WIPI2: variants seen among roughly 807,000 people sequenced by gnomAD.
The protein encoded by WIPI2 is WD repeat domain phosphoinositide-interacting protein 2.
In WIPI2, 28 loss-of-function variants were observed where a neutral mutation model predicts 52.3. The observed-to-expected ratio is 0.54, with a 90% CI of 0.40 to 0.73. The LOEUF (loss-of-function observed/expected upper bound fraction) is 0.73. Ranked by LOEUF, WIPI2 falls within the 30% of genes least tolerant of loss-of-function variation. The pLI is 0.00. For missense variants in WIPI2, 506 were observed against 602.9 expected, an observed-to-expected ratio of 0.84 and a Z score of 1.68; for synonymous variants, 268 against 245.0, an observed-to-expected ratio of 1.09 and a Z score of -0.88.
intron 1 of WIPI2, 22 bp downstream of exon 1, chr7:5,190,515 G>A (rs1238156640): frequency 1.3e-6 from 2 of 1,485,714 alleles, no homozygotes; most frequent in African/African-American, 1.4e-5. Context: ...GTCGGGGGTC[G>A]GAGTCGGGGT....
At position 5,193,132 on chromosome 7, in the gene WIPI2, C is replaced by T; in HGVS notation, c.89C>T (p.Ala30Val). ...TTTTTACCTAGAGAAGTGAAAGGGG[C>T]ATCAAGAGCAGCTGGTCTTGGCCGT... ...FNQDNTEVKGASRAAGLGRRA... is the reference protein window; with the variant it reads ...FNQDNTEVKGVSRAAGLGRRA... Residue 30 changes from alanine (A) to valine (V), a missense_variant, in exon 2 of 13, where the codon GCA becomes GTA. Ala to Val is a moderately conservative substitution (Grantham distance 64). This residue lies in a region of WIPI2 where 60 missense variants were observed against 49.7 expected (regional missense o/e 1.21). Transcript: ENST00000288828. 6.2e-7 allele frequency: 1 copy of T among 1,613,954 alleles called. No individual in the cohort carries two copies. The highest frequency in any genetic ancestry group is 8.5e-7 in the Non-Finnish European group (1 of 1,179,960).
rs767852703 is a variant in WIPI2 at position 5,230,095 on chromosome 7, A to G, written c.1252+357A>G. Among the ~76,000 whole-genome samples, 48 of 152,028 alleles carry G rather than the reference A, an allele frequency of 3.2e-4. No homozygotes were observed. Among genetic ancestry groups the G allele is most frequent in the Admixed American group, 2.2e-3 (33 of 15,254 alleles). ...GCTCATTTTCTCCGTTTTTAAAGAA[A>G]ATGTCATCCTGGCTCAGGTGACTCT... On this transcript the variant is annotated intron_variant, in intron 12 of 12. Transcript: ENST00000288828. This position sits in a 1 kb window ranked among gnomAD's most constrained non-coding sequence, Gnocchi z 4.8.
At chr7:5,214,826 C>A in intron 4 of WIPI2, 122 bp downstream of exon 4, 3 of 1,140,812 alleles carry the variant, frequency 2.6e-6, no homozygotes, top group African/African-American at 1.5e-5. Context: ...CGTTGCCGGG[C>A]ACAGATCCTT....
intron 7 of WIPI2, among the ~76,000 whole-genome samples, chr7:5,222,313 T>C (rs1369764051): frequency 2.0e-5 from 3 of 152,242 alleles, no homozygotes; most frequent in South Asian, 2.1e-4. Context: ...TATGCCACTT[T>C]TGCCCTGAAG....
chr7:5,195,634 G>C (rs1781712803), intron 2 of WIPI2, among the ~76,000 whole-genome samples: 1 of 152,148 alleles, frequency 6.6e-6, no homozygotes, highest in Non-Finnish European at 1.5e-5. Flanking sequence ...CCATTTTATG[G>C]TCAGGTCAAT....
At chr7:5,207,858 G>A (rs1004613354) in intron 3 of WIPI2, among the ~76,000 whole-genome samples, 1 of 146,556 alleles carries the variant, frequency 6.8e-6, no homozygotes, top group South Asian at 2.1e-4. Context: ...CTCCACCTCT[G>A]GGGTTCAAGC....
chr7:5,217,347 C>G (rs566885055), intron 6 of WIPI2, 160 bp downstream of exon 6: 1 of 747,336 alleles, frequency 1.3e-6, no homozygotes, highest in South Asian at 1.6e-5. Context: ...CTCTGTCGCC[C>G]ATGCTGGAGT....
intron 5 of WIPI2, 49 bp downstream of exon 5, chr7:5,216,708 G>C: frequency 1.3e-6 from 2 of 1,570,568 alleles, no homozygotes; most frequent in Non-Finnish European, 1.8e-6. Flanking sequence ...TTTTGCCCTT[G>C]AAAGATAGCT....
At chr7:5,226,578 C>T (rs1012509161) in intron 9 of WIPI2, 5 of 152,798 alleles carry the variant, frequency 3.3e-5, no homozygotes, top group Admixed American at 2.6e-4. Context: ...GTCTGGAATT[C>T]CTGGGCTCAA....
intron 3 of WIPI2, among the ~76,000 whole-genome samples, chr7:5,212,301 G>A (rs548482663): frequency 2.0e-5 from 3 of 152,116 alleles, no homozygotes; most frequent in South Asian, 2.1e-4. Context: ...AGTGGTAAGC[G>A]CGGTGACTAC....
At chr7:5,192,284 A>G (rs550715700) in intron 1 of WIPI2, among the ~76,000 whole-genome samples, 1 of 152,324 alleles carries the variant, frequency 6.6e-6, no homozygotes, top group East Asian at 1.9e-4. Context: ...TTTTAAGCCC[A>G]AGGCCACAGT....
intron 2 of WIPI2, among the ~76,000 whole-genome samples, chr7:5,194,462 G>C (rs1319818500): frequency 6.6e-6 from 1 of 152,176 alleles, no homozygotes; most frequent in Non-Finnish European, 1.5e-5. Flanking sequence ...CTTCATTTTT[G>C]AGTGGCAGTC....
chr7:5,227,238 A>C lies in WIPI2; in HGVS notation c.907A>C (p.Thr303Pro). The C allele has an allele frequency of 1.2e-6, 2 of 1,613,990 alleles. No individual in the cohort carries two copies. Among genetic ancestry groups the C allele is most frequent in the Non-Finnish European group, 1.7e-6 (2 of 1,180,024 alleles). ...CTTCGGGAAAGTGCTCATGGCCTCC[A>C]CCAGCTACCTGCCTTCCCAAGTGAC... ...GYFGKVLMASTSYLPSQVTEM... is the reference protein window; with the variant it reads ...GYFGKVLMASPSYLPSQVTEM... Residue 303 changes from threonine (T) to proline (P), a missense_variant, in exon 10 of 13, where the codon ACC becomes CCC. This residue lies in a region of WIPI2 where 237 missense variants were observed against 346.9 expected (regional missense o/e 0.68). Transcript: ENST00000288828. This position sits in a 1 kb window ranked among gnomAD's most constrained non-coding sequence, Gnocchi z 8.1.
chr7:5,229,229 A>T (rs1281952392), intron 11 of WIPI2, among the ~76,000 whole-genome samples: 1 of 151,928 alleles, frequency 6.6e-6, no homozygotes, highest in African/African-American at 2.4e-5. Flanking sequence ...GTTAGCCAGG[A>T]TGGTCTCCGT....
In WIPI2 at chr7:5,197,111, C is replaced by CAAAAAAAAAAAAA. The variant is rs1562384541; in HGVS notation, c.129-2459_129-2458insAAAAAAAAAAAAA. On this transcript the variant is annotated intron_variant, in intron 2 of 12. Coordinates refer to ENST00000288828, the MANE Select transcript of WIPI2 (RefSeq NM_015610.4). ...TGCATGACAGAGCGGGACTCCGTCT[C>CAAAAAAAAAAAAA]AAAAAACAAAAAAAAAAAAAAAAAA... Among the ~76,000 whole-genome samples, 9 of 56,428 alleles carry CAAAAAAAAAAAAA rather than the reference C, an allele frequency of 1.6e-4. 3 individuals carry two copies. The highest frequency in any genetic ancestry group is 9.8e-5 in the African/African-American group (1 of 10,216). 37.0% of individuals were successfully genotyped at this position (56,428 alleles called of 152,430 possible). A position where few individuals can be genotyped will look rare whatever the true frequency, so the allele number is the denominator to read the frequency against.
intron 3 of WIPI2, among the ~76,000 whole-genome samples, chr7:5,208,725 C>T (rs1782412565): frequency 6.6e-6 from 1 of 152,034 alleles, no homozygotes; most frequent in African/African-American, 2.4e-5. Flanking sequence ...GTCCTGTGAC[C>T]TGTGAGTCTG....
chr7:5,227,118 A>C lies in WIPI2; in HGVS notation c.849-62A>C. 4.4e-6 allele frequency: 7 copies of C among 1,597,174 alleles called. No individual in the cohort carries two copies. On this transcript the variant is annotated intron_variant, in intron 9 of 12. Transcript: ENST00000288828. The surrounding 1 kb of genome is among the most constrained non-coding windows in gnomAD (Gnocchi z 8.1). ...TCCAGAGCTGTGCGTCTGTGTGAGT[A>C]GGGGGTGGCCGTCCCCCCAGGGAGG...
intron 7 of WIPI2, among the ~76,000 whole-genome samples, chr7:5,220,054 T>C (rs1209163794): frequency 6.6e-6 from 1 of 151,626 alleles, no homozygotes; most frequent in African/African-American, 2.4e-5. Context: ...CAGGCTGGTT[T>C]CAAACTCCTG....
Position 5,222,756 on chromosome 7 carries a change from A to T in WIPI2, c.740+84A>T, listed in dbSNP as rs184033642. 24 of 1,307,764 alleles carry T rather than the reference A, an allele frequency of 1.8e-5. No individual in the cohort carries two copies. The East Asian group carries it at 5.4e-4, about 29-fold the overall frequency. 81.0% of individuals were successfully genotyped at this position (1,307,764 alleles called of 1,614,324 possible). ...TGTTATCTATGAACAAACAAGTAGA[A>T]CCCCCAGGAGAATTCCACACGAGCA... On this transcript the variant is annotated intron_variant, in intron 8 of 12. Transcript: ENST00000288828.
Sources: gnomAD v4.1 joint callset for allele counts (sites outside exome capture counted in the v4.1 genomes callset) on GRCh38, gnomAD v4.1.1 for gene constraint, gnomAD v4.1.1 regional missense constraint, Gnocchi (gnomAD v3.1) non-coding constraint, MANE v1.5 for transcripts, NCBI Gene and HGNC (gene_info 2026-07-23, HGNC 2026-07-21) for gene names.